The following RAB11FIP3 variants were observed in gnomAD, a reference collection of about 807,000 sequenced individuals.
The protein encoded by RAB11FIP3 is rab11 family-interacting protein 3.
Under a neutral mutation model 77.8 loss-of-function variants are expected in RAB11FIP3, and 17 were observed. That is an observed-to-expected ratio of 0.22 (90% confidence interval 0.15 to 0.33). The LOEUF (loss-of-function observed/expected upper bound fraction) is 0.33, where lower values mean the gene tolerates loss of function less well. Among genes scored for constraint, RAB11FIP3 ranks in the 10% least tolerant of loss-of-function variants. The pLI, the probability that RAB11FIP3 is intolerant of heterozygous loss-of-function variation, is 1.00. For synonymous variants in RAB11FIP3, 437 were observed against 448.2 expected (o/e 0.98, Z 0.31); for missense variants, 1,005 against 1,011.2 (o/e 0.99, Z 0.08).
chr16:515,050 C>A (rs1031997909), intron 9 of RAB11FIP3, among the ~76,000 whole-genome samples: 4 of 152,140 alleles, frequency 2.6e-5, no homozygotes, highest in African/African-American at 7.2e-5. Context: ...GTCAGAAAGA[C>A]TGACCCCAGC....
chr16:487,131 CT>C (rs34597208), intron 4 of RAB11FIP3, among the ~76,000 whole-genome samples: 29,995 of 134,344 alleles, frequency 0.22, 5,707 homozygotes, highest in African/African-American at 0.55. Context: ...GTTTTGGTTT[CT>C]TTTTTTTTTT....
intron 1 of RAB11FIP3, among the ~76,000 whole-genome samples, chr16:438,690 A>AT (rs34701607): frequency 0.51 from 71,820 of 140,172 alleles, 17,990 homozygotes; most frequent in Middle Eastern, 0.62. Context: ...GGCCTTTTAA[A>AT]TTTTTTTTTT....
At chr16:437,945 G>A (rs2055159345) in intron 1 of RAB11FIP3, among the ~76,000 whole-genome samples, 1 of 152,120 alleles carries the variant, frequency 6.6e-6, no homozygotes, top group East Asian at 1.9e-4. Flanking sequence ...GAGTAGCTGG[G>A]ATTAAAGGCT....
At chr16:432,678 C>T (rs2055057973) in intron 1 of RAB11FIP3, among the ~76,000 whole-genome samples, 2 of 148,364 alleles carry the variant, frequency 1.3e-5, no homozygotes, top group African/African-American at 5.0e-5. Context: ...CGGCTCAGTG[C>T]AGTCTCTGCC....
intron 9 of RAB11FIP3, among the ~76,000 whole-genome samples, chr16:515,429 A>C (rs2032355290): frequency 1.3e-5 from 2 of 152,050 alleles, no homozygotes; most frequent in Admixed American, 6.6e-5. Context: ...AACGCAAACA[A>C]CACCCTGCGC....
At chr16:475,068 C>T (rs1375964611) in intron 3 of RAB11FIP3, 1 of 1,551,540 alleles carries the variant, frequency 6.4e-7, no homozygotes, top group South Asian at 1.2e-5. Context: ...CCAGGCCCAG[C>T]CTGTGAGGCC....
In RAB11FIP3 at chr16:471,224, C is replaced by A; in HGVS notation, c.809-71C>A. ...TGGGGGCCTCCTTCCCAGGGAGTCC[C>A]GAGGCCGCCAGGGGTCCCGTCACTG... On this transcript the variant is annotated intron_variant, in intron 2 of 13. Coordinates refer to ENST00000262305, the MANE Select transcript of RAB11FIP3 (RefSeq NM_014700.4). The surrounding 1 kb of genome is among the most constrained non-coding windows in gnomAD (Gnocchi z 4.4). 1 of 1,385,172 alleles carries A rather than the reference C, an allele frequency of 7.2e-7. No homozygotes were observed. The highest frequency in any genetic ancestry group is 2.4e-5 in the East Asian group (1 of 42,228). 85.8% of individuals were successfully genotyped at this position (1,385,172 alleles called of 1,614,324 possible). A position where few individuals can be genotyped will look rare whatever the true frequency, so the allele number is the denominator to read the frequency against.
At position 520,207 on chromosome 16, in the gene RAB11FIP3, T is replaced by C. The variant is rs1417725968; in HGVS notation, c.1946T>C (p.Met649Thr). Residue 649 changes from methionine to threonine, a missense_variant, in exon 12 of 14, where the codon ATG becomes ACG. By Grantham distance (81) the Met-to-Thr change is moderately conservative. Around this residue, in one of 4 missense-constraint regions of RAB11FIP3, gnomAD observed 433 missense variants for 436.1 expected, o/e 0.99. Transcript: ENST00000262305. ...AEQRRGRSSSMGLQEYHSRAR... is the reference protein window; with the variant it reads ...AEQRRGRSSSTGLQEYHSRAR... Reference sequence around the variant, plus strand: ...CAGCGGCGGGGCCGCAGCAGCAGCATGGGCCTGCAGGAGTACCACAGCCGC... The same window carrying C: ...CAGCGGCGGGGCCGCAGCAGCAGCACGGGCCTGCAGGAGTACCACAGCCGC... 3.7e-5 allele frequency: 57 copies of C among 1,545,656 alleles called. No homozygotes were observed. The highest frequency in any genetic ancestry group is 4.4e-5 in the Non-Finnish European group (51 of 1,147,838).
intron 2 of RAB11FIP3, among the ~76,000 whole-genome samples, chr16:462,877 A>G (rs1370413718): frequency 6.7e-6 from 1 of 148,166 alleles, no homozygotes; most frequent in African/African-American, 2.5e-5. Context: ...CCTCAGCACA[A>G]TGTCTTCCCC....
chr16:447,862 G>T (rs1289770987), intron 1 of RAB11FIP3, among the ~76,000 whole-genome samples: 1 of 152,188 alleles, frequency 6.6e-6, no homozygotes, highest in Non-Finnish European at 1.5e-5. Flanking sequence ...TGAAGAAAGG[G>T]TGAGAACAAA....
At chr16:494,803 A>T (rs899586756) in intron 5 of RAB11FIP3, among the ~76,000 whole-genome samples, 13 of 149,778 alleles carry the variant, frequency 8.7e-5, no homozygotes, top group African/African-American at 3.3e-4. Context: ...TCGAGGCTGC[A>T]GAGGTGGGAG....
intron 3 of RAB11FIP3, among the ~76,000 whole-genome samples, chr16:477,204 A>G (rs1389992167): frequency 6.6e-6 from 1 of 152,134 alleles, no homozygotes. Flanking sequence ...CAGTGAGCCA[A>G]GATGGCGCCA....
Position 494,059 on chromosome 16 carries a change from A to G in RAB11FIP3, c.1266-2765A>G, listed in dbSNP as rs2030873648. Among the ~76,000 whole-genome samples the G allele has an allele frequency of 4.7e-5, 3 of 63,780 alleles. No individual in the cohort carries two copies. The South Asian group carries it at 1.4e-3, about 29-fold the overall frequency. 41.8% of individuals were successfully genotyped at this position (63,780 alleles called of 152,430 possible). On this transcript the variant is annotated intron_variant, in intron 5 of 13. Transcript: ENST00000262305. Reference sequence around the variant, plus strand: ...GCTGGGACTACAGGCGCCCATCACCACACCTGGCTAACTTTTGTATTTTTA... The same window carrying G: ...GCTGGGACTACAGGCGCCCATCACCGCACCTGGCTAACTTTTGTATTTTTA...
At chr16:456,725 C>G (rs904480818) in intron 1 of RAB11FIP3, among the ~76,000 whole-genome samples, 1 of 152,188 alleles carries the variant, frequency 6.6e-6, no homozygotes, top group Non-Finnish European at 1.5e-5. Context: ...CCACTGCACT[C>G]CATCCTGGGC....
chr16:474,779 G>A, intron 3 of RAB11FIP3: 7 of 1,367,456 alleles, frequency 5.1e-6, no homozygotes, highest in South Asian at 3.8e-5. Context: ...CTGACTAACC[G>A]TTTTTTAAAC....
intron 1 of RAB11FIP3, among the ~76,000 whole-genome samples, chr16:449,941 G>A (rs1277175208): frequency 6.6e-6 from 1 of 151,966 alleles, no homozygotes; most frequent in African/African-American, 2.4e-5. Context: ...ACAGAGTGAG[G>A]CTCCATCTCA....
chr16:490,261 G>A (rs751557582), intron 5 of RAB11FIP3, among the ~76,000 whole-genome samples: 39 of 152,210 alleles, frequency 2.6e-4, no homozygotes, highest in Non-Finnish European at 4.3e-4. Context: ...CCTTCGCGTC[G>A]CAGACGCAGC....
chr16:433,870 A>G (rs1038944932), intron 1 of RAB11FIP3, among the ~76,000 whole-genome samples: 1 of 151,816 alleles, frequency 6.6e-6, no homozygotes, highest in Non-Finnish European at 1.5e-5. Context: ...AAAAAAAAAA[A>G]AAGTACTCCA....
chr16:446,754 G>A (rs1470547459), intron 1 of RAB11FIP3, among the ~76,000 whole-genome samples: 1 of 151,662 alleles, frequency 6.6e-6, no homozygotes, highest in Non-Finnish European at 1.5e-5. Context: ...GGAGTGCAGT[G>A]GCGTGATCTC....
Sources: gnomAD v4.1 joint callset for allele counts (sites outside exome capture counted in the v4.1 genomes callset) on GRCh38, gnomAD v4.1.1 for gene constraint, gnomAD v4.1.1 regional missense constraint, Gnocchi (gnomAD v3.1) non-coding constraint, MANE v1.5 for transcripts, NCBI Gene and HGNC (gene_info 2026-07-23, HGNC 2026-07-21) for gene names.